Variants in CSMD1 observed in about 807,000 individuals in gnomAD.
CSMD1 encodes CUB and Sushi multiple domains 1, also known as CUB and sushi domain-containing protein 1.
A neutral mutation model predicts 417.5 loss-of-function variants in CSMD1; 213 were observed. The ratio of observed to expected loss-of-function variants is 0.51; its 90% confidence interval spans 0.46 to 0.57. The LOEUF (loss-of-function observed/expected upper bound fraction) is 0.57, where lower values mean the gene tolerates loss of function less well. CSMD1 is among the 20% of genes least tolerant of loss of function. The pLI, the probability that CSMD1 is intolerant of heterozygous loss-of-function variation, is 0.00. For synonymous variants in CSMD1, 2,862 were observed against 1,736.8 expected, an observed-to-expected ratio of 1.65 and a Z score of -16.11; for missense variants, 6,923 against 4,529.7, an observed-to-expected ratio of 1.53 and a Z score of -15.17.
intron 41 of CSMD1, among the ~76,000 whole-genome samples, chr8:3,126,364 C>T (rs1183947228): frequency 6.6e-6 from 1 of 152,256 alleles, no homozygotes; most frequent in African/African-American, 2.4e-5. Flanking sequence ...TGGAGACAGA[C>T]CCAGGAGGAG....
chr8:4,322,813 G>A (rs111248732), intron 3 of CSMD1, among the ~76,000 whole-genome samples: 4 of 152,248 alleles, frequency 2.6e-5, no homozygotes, highest in African/African-American at 9.6e-5. Flanking sequence ...TGGCCAACAT[G>A]GTGAAACCCC....
At chr8:3,794,232 G>C (rs566712586) in intron 5 of CSMD1, among the ~76,000 whole-genome samples, 1 of 152,158 alleles carries the variant, frequency 6.6e-6, no homozygotes, top group Non-Finnish European at 1.5e-5. Context: ...GGACAATCCT[G>C]TTCTACGCAG....
intron 30 of CSMD1, 148 bp downstream of exon 30, chr8:3,214,349 G>T (rs571433185): frequency 4.6e-6 from 3 of 648,446 alleles, no homozygotes; most frequent in South Asian, 4.7e-5. Flanking sequence ...ATCAATGAAT[G>T]ACTGATATTC....
At chr8:3,090,192 C>T (rs940968479) in intron 48 of CSMD1, among the ~76,000 whole-genome samples, 2 of 151,886 alleles carry the variant, frequency 1.3e-5, no homozygotes, top group African/African-American at 2.4e-5. Context: ...TGGCGGGCGC[C>T]TGTAGTCCCA....
chr8:2,996,790 T>C (rs185627951), intron 54 of CSMD1, among the ~76,000 whole-genome samples: 23 of 152,326 alleles, frequency 1.5e-4, no homozygotes, highest in Non-Finnish European at 2.8e-4. Context: ...ATTCTGCACA[T>C]CAGATATTTC....
intron 1 of CSMD1, among the ~76,000 whole-genome samples, chr8:4,869,967 G>C (rs796300223): frequency 6.6e-6 from 1 of 151,904 alleles, no homozygotes; most frequent in Admixed American, 6.5e-5. Flanking sequence ...AATTGGTTAA[G>C]GTGACATTTA....
chr8:3,832,804 C>T (rs1563125809), intron 5 of CSMD1, among the ~76,000 whole-genome samples: 1 of 152,030 alleles, frequency 6.6e-6, no homozygotes, highest in Non-Finnish European at 1.5e-5. Flanking sequence ...ATACCTTCGC[C>T]TTATTAAAAA....
chr8:3,144,980 C>T (rs1313552908), intron 40 of CSMD1, among the ~76,000 whole-genome samples: 3 of 151,936 alleles, frequency 2.0e-5, no homozygotes, highest in Admixed American at 1.3e-4. Context: ...CACAGTTTGG[C>T]GGTATGCCCA....
chr8:3,766,716 A>T (rs1333913346), intron 5 of CSMD1, among the ~76,000 whole-genome samples: 1 of 152,094 alleles, frequency 6.6e-6, no homozygotes, highest in Non-Finnish European at 1.5e-5. Flanking sequence ...TTCACTGACA[A>T]TTTTCTCTTG....
chr8:3,111,742 G>A (rs1001181568), intron 42 of CSMD1, among the ~76,000 whole-genome samples: 3 of 152,114 alleles, frequency 2.0e-5, no homozygotes, highest in Non-Finnish European at 4.4e-5. Context: ...TGAGGCAGGA[G>A]AATTGCTTCA....
At chr8:3,596,585 C>T (rs953910348) in intron 8 of CSMD1, among the ~76,000 whole-genome samples, 4 of 151,876 alleles carry the variant, frequency 2.6e-5, no homozygotes, top group Non-Finnish European at 5.9e-5. Flanking sequence ...AGAGACTGTT[C>T]GGCAAATATT....
chr8:4,833,052 C>T (rs6981348), intron 1 of CSMD1, among the ~76,000 whole-genome samples: 149,641 of 152,290 alleles, frequency 0.98, 73,580 homozygotes, highest in East Asian at 1. Flanking sequence ...ACATCTTATG[C>T]GGAAAGTATA....
intron 1 of CSMD1, among the ~76,000 whole-genome samples, chr8:4,794,528 G>A (rs1408272574): frequency 6.6e-6 from 1 of 152,008 alleles, no homozygotes; most frequent in Non-Finnish European, 1.5e-5. Context: ...CTCCATCTCT[G>A]CCTGACTCTC....
chr8:4,273,476 C>G (rs1425819146), intron 3 of CSMD1, among the ~76,000 whole-genome samples: 3 of 151,952 alleles, frequency 2.0e-5, no homozygotes, highest in Admixed American at 6.6e-5. Flanking sequence ...ATAATAAATG[C>G]CTAATAAACT....
Position 3,029,522 on chromosome 8 carries a change from G to C in CSMD1, c.7661-9C>G, listed in dbSNP as rs1347435492. 5.1e-6 allele frequency: 8 copies of C among 1,580,722 alleles called. No individual in the cohort carries two copies. Among genetic ancestry groups the C allele is most frequent in the Admixed American group, 1.8e-5 (1 of 54,746 alleles). On this transcript the variant is annotated splice_polypyrimidine_tract_variant and intron_variant, in intron 50 of 69. Transcript: ENST00000635120. Reference sequence around the variant, plus strand: ...GCTGGGGCAAGCGACCGCTGGAAGGGAAACGTACATCACATCATCATTTTT... The same window carrying C: ...GCTGGGGCAAGCGACCGCTGGAAGGCAAACGTACATCACATCATCATTTTT...
intron 1 of CSMD1, among the ~76,000 whole-genome samples, chr8:4,891,453 A>C (rs879743181): frequency 6.6e-6 from 1 of 152,164 alleles, no homozygotes; most frequent in Admixed American, 6.5e-5. Flanking sequence ...AACCTAATTT[A>C]AGTTTACAAT....
chr8:3,652,840 G>A (rs539130679), intron 7 of CSMD1, among the ~76,000 whole-genome samples: 9 of 152,276 alleles, frequency 5.9e-5, no homozygotes, highest in African/African-American at 7.2e-5. Context: ...GCTCACTACC[G>A]TATTGGCAGA....
intron 7 of CSMD1, among the ~76,000 whole-genome samples, chr8:3,663,378 T>G (rs1339451234): frequency 6.6e-6 from 1 of 152,042 alleles, no homozygotes; most frequent in Non-Finnish European, 1.5e-5. Flanking sequence ...AAGGGGCACT[T>G]CTGTAAATTT....
At chr8:4,737,900 G>C (rs1396869249) in intron 1 of CSMD1, among the ~76,000 whole-genome samples, 1 of 152,176 alleles carries the variant, frequency 6.6e-6, no homozygotes, top group Non-Finnish European at 1.5e-5. Context: ...TAAGGAAATT[G>C]ATAGCAAAAT....
Sources: gnomAD v4.1 joint callset for allele counts (sites outside exome capture counted in the v4.1 genomes callset) on GRCh38, gnomAD v4.1.1 for gene constraint, MANE v1.5 for transcripts, NCBI Gene and HGNC (gene_info 2026-07-23, HGNC 2026-07-21) for gene names.